The following ULK4 variants were observed in gnomAD, a reference collection of about 807,000 sequenced individuals.
ULK4 encodes unc-51 like kinase 4, also known as inactive serine/threonine-protein kinase ULK4.
ULK4 carries 133 observed loss-of-function variants against 160.6 expected under a neutral mutation model. The ratio of observed to expected loss-of-function variants is 0.83; its 90% CI spans 0.72 to 0.96. The LOEUF (loss-of-function observed/expected upper bound fraction) is 0.96. Ranked by LOEUF, ULK4 falls within the 40% of genes least tolerant of loss-of-function variation. The pLI, the probability that ULK4 is intolerant of heterozygous loss-of-function variation, is 0.00. For missense variants in ULK4, 1,580 were observed against 1,499.5 expected, an observed-to-expected ratio of 1.05 and a Z score of -0.89; for synonymous variants, 534 against 539.8, an observed-to-expected ratio of 0.99 and a Z score of 0.15.
At chr3:41,761,474 T>G (rs972318238) in intron 21 of ULK4, among the ~76,000 whole-genome samples, 1 of 150,990 alleles carries the variant, frequency 6.6e-6, no homozygotes, top group Non-Finnish European at 1.5e-5. Flanking sequence ...TGTTATGCCT[T>G]AAACAGTAGA....
In ULK4 at chr3:41,380,482, C is replaced by T. The variant is rs79370543; in HGVS notation, c.3678+17597G>A. Among the ~76,000 whole-genome samples, 1,016 of 152,236 alleles carry T rather than the reference C, an allele frequency of 6.7e-3. 4 individuals are homozygous for T. Among genetic ancestry groups the T allele is most frequent in the East Asian group, 0.015 (78 of 5,162 alleles). The stretch of plus-strand genomic sequence containing the variant: ...CAGAGTAAGACTGCATCTCTACTGA[C>T]TCCCAGAGGCAGGGAGATAGGGAAC... On this transcript the variant is annotated intron_variant, in intron 35 of 36. Coordinates refer to ENST00000301831, the MANE Select transcript of ULK4 (RefSeq NM_017886.4).
intron 32 of ULK4, among the ~76,000 whole-genome samples, chr3:41,540,979 T>A (rs552308502): frequency 1.4e-4 from 22 of 152,320 alleles, no homozygotes; most frequent in African/African-American, 5.3e-4. Flanking sequence ...ATTCTGTAGG[T>A]TGCCTGTTCA....
chr3:41,771,155 C>T (rs1476221642), intron 21 of ULK4, among the ~76,000 whole-genome samples: 1 of 152,138 alleles, frequency 6.6e-6, no homozygotes, highest in Non-Finnish European at 1.5e-5. Context: ...CCTTGCGTGC[C>T]TAAATCATAT....
chr3:41,444,309 C>A (rs757360782), intron 34 of ULK4, among the ~76,000 whole-genome samples: 37 of 150,732 alleles, frequency 2.5e-4, no homozygotes, highest in Non-Finnish European at 4.7e-4. Flanking sequence ...CTGCTTAATT[C>A]TTTTGACCAC....
chr3:41,459,928 A>C (rs1049394433), intron 33 of ULK4, among the ~76,000 whole-genome samples: 1 of 152,176 alleles, frequency 6.6e-6, no homozygotes, highest in South Asian at 2.1e-4. Flanking sequence ...GATGTCACTG[A>C]AGTTTTCAAA....
At chr3:41,294,300 G>A (rs1438460096) in intron 35 of ULK4, among the ~76,000 whole-genome samples, 4 of 152,134 alleles carry the variant, frequency 2.6e-5, no homozygotes, top group African/African-American at 9.7e-5. Flanking sequence ...GTGCCATCTT[G>A]GAAGCAGGGA....
intron 13 of ULK4, among the ~76,000 whole-genome samples, chr3:41,900,302 G>A (rs1698306683): frequency 1.3e-5 from 2 of 152,026 alleles, no homozygotes; most frequent in Non-Finnish European, 2.9e-5. Flanking sequence ...GCCCAGCCCA[G>A]CCTGGTAAGC....
chr3:41,363,928 C>CT lies in ULK4; in HGVS notation c.3678+34150dup, dbSNP rs201380727. Among the ~76,000 whole-genome samples, 443 of 135,292 alleles carry CT rather than the reference C, an allele frequency of 3.3e-3. 4 individuals carry two copies. Among genetic ancestry groups the CT allele is most frequent in the African/African-American group, 0.012 (429 of 35,480 alleles). 88.8% of individuals were successfully genotyped at this position (135,292 alleles called of 152,430 possible). On this transcript the variant is annotated intron_variant, in intron 35 of 36. Transcript: ENST00000301831. Reference sequence around the variant, plus strand: ...GATTTGAACCCTCCATCCAAATTCTCTCTCTTTTTTTTTTTCTGTAGATAC... The same window carrying CT: ...GATTTGAACCCTCCATCCAAATTCTCTTCTCTTTTTTTTTTTCTGTAGATAC...
chr3:41,364,220 G>A (rs1225764935), intron 35 of ULK4, among the ~76,000 whole-genome samples: 2 of 152,174 alleles, frequency 1.3e-5, no homozygotes, highest in Non-Finnish European at 2.9e-5. Flanking sequence ...TTATAGGTGT[G>A]AGCTGCTGCA....
rs891861758 is a variant in ULK4 at position 41,362,750 on chromosome 3, C to G, written c.3678+35329G>C. Among the ~76,000 whole-genome samples, 3 of 152,232 alleles carry G rather than the reference C, an allele frequency of 2.0e-5. No individual in the cohort carries two copies. The East Asian group carries it at 5.8e-4, about 29-fold the overall frequency. ...CATCATTATTAAGACAAAGGTCAAA[C>G]AGTAACTTTGAAGAAAACTGTTTCC... On this transcript the variant is annotated intron_variant, in intron 35 of 36. Coordinates refer to ENST00000301831, the MANE Select transcript of ULK4 (RefSeq NM_017886.4).
Position 41,819,502 on chromosome 3 carries a change from TC to T in ULK4, c.1768del (p.Glu590LysfsTer20). ...GCACTCTCTAGGGTTCTTTTTTTTT[TC>T]TTCCTAAAATGAAGTGGGAAAAAAA... ...ELIYLVATQE[E>X]KKKNPRECWA... On this transcript the variant is annotated frameshift_variant, in exon 19 of 37. Transcript: ENST00000301831. LOFTEE classifies it high-confidence loss of function. 6.3e-7 allele frequency: 1 copy of T among 1,598,384 alleles called. No homozygotes were observed. The highest frequency in any genetic ancestry group is 8.5e-7 in the Non-Finnish European group (1 of 1,177,898).
intron 25 of ULK4, among the ~76,000 whole-genome samples, chr3:41,709,347 T>C (rs2037011131): frequency 6.6e-6 from 1 of 152,190 alleles, no homozygotes. Context: ...TCTTTTTTGG[T>C]CTACAAATAA....
chr3:41,600,990 G>C (rs566637487), intron 31 of ULK4, among the ~76,000 whole-genome samples: 67 of 152,308 alleles, frequency 4.4e-4, no homozygotes, highest in African/African-American at 1.5e-3. Flanking sequence ...CTTGAATCAA[G>C]AGATCAGGAA....
intron 9 of ULK4, among the ~76,000 whole-genome samples, chr3:41,912,157 G>C (rs573748785): frequency 6.6e-6 from 1 of 152,010 alleles, no homozygotes; most frequent in African/African-American, 2.4e-5. Flanking sequence ...GTGAAACCCT[G>C]TCTCTACTAA....
At chr3:41,739,314 TTTATGAC>T (rs1440694795) in intron 22 of ULK4, among the ~76,000 whole-genome samples, 1 of 151,888 alleles carries the variant, frequency 6.6e-6, no homozygotes, top group East Asian at 1.9e-4. Flanking sequence ...TTAAGAATTG[TTTATGAC>T]CAGCTAATTG....
intron 22 of ULK4, among the ~76,000 whole-genome samples, chr3:41,744,645 T>C (rs567767557): frequency 3.2e-4 from 49 of 151,754 alleles, no homozygotes; most frequent in Non-Finnish European, 6.2e-4. Context: ...CTTTCAGAAA[T>C]TGATAGAAAT....
rs114574574 is a variant in ULK4, at chr3:41,382,286, A to G, written c.3678+15793T>C. ...TGCTGTATCCCCAACATTGAGAACC[A>G]TGTGTGCCACAGAGCAGGCACTCAA... On this transcript the variant is annotated intron_variant, in intron 35 of 36. Coordinates refer to ENST00000301831, the MANE Select transcript of ULK4 (RefSeq NM_017886.4). 1.6e-3 allele frequency among the ~76,000 whole-genome samples: 247 copies of G among 152,304 alleles called. 1 individual carries two copies. The highest frequency in any genetic ancestry group is 5.7e-3 in the African/African-American group (239 of 41,566).
chr3:41,648,819 A>C (rs1356816649), intron 30 of ULK4, among the ~76,000 whole-genome samples: 1 of 152,118 alleles, frequency 6.6e-6, no homozygotes, highest in Non-Finnish European at 1.5e-5. Context: ...CAGGAGAGAA[A>C]GCATCAGAAA....
chr3:41,283,841 A>AT (rs2079409180), intron 35 of ULK4, among the ~76,000 whole-genome samples: 1 of 96,762 alleles, frequency 1.0e-5, no homozygotes, highest in Non-Finnish European at 1.9e-5. Flanking sequence ...CCTAGAACTG[A>AT]TAAAAAAAAT....
Sources: allele counts gnomAD v4.1 joint callset (sites outside exome capture counted in the v4.1 genomes callset), GRCh38; gene constraint gnomAD v4.1.1; transcripts MANE v1.5; gene names NCBI Gene and HGNC (gene_info 2026-07-23, HGNC 2026-07-21).